The following DKK2 variants were observed in gnomAD, a reference collection of about 807,000 sequenced individuals.
DKK2 encodes dickkopf Wnt signaling pathway inhibitor 2.
Under a neutral mutation model 28.1 loss-of-function variants are expected in DKK2, and 11 were observed. The observed-to-expected ratio is 0.39, with a 90% CI of 0.25 to 0.65. DKK2 has a LOEUF of 0.65. DKK2 is among the 30% of genes least tolerant of loss of function. The pLI, the probability that DKK2 is intolerant of heterozygous loss-of-function variation, is 0.47. For synonymous variants in DKK2, 135 were observed against 126.5 expected (o/e 1.07, Z -0.45); for missense variants, 326 against 335.5 (o/e 0.97, Z 0.22).
intron 1 of DKK2, among the ~76,000 whole-genome samples, chr4:107,033,692 G>A (rs1003531486): frequency 2.0e-5 from 3 of 152,090 alleles, no homozygotes; most frequent in African/African-American, 7.2e-5. Flanking sequence ...GTGTCCTTGG[G>A]GGAACTACAC....
chr4:106,996,792 A>G (rs1723277978), intron 1 of DKK2, among the ~76,000 whole-genome samples: 1 of 152,186 alleles, frequency 6.6e-6, no homozygotes, highest in Non-Finnish European at 1.5e-5. Flanking sequence ...GCCTTTCTTG[A>G]TAGGCCAAGG....
In DKK2 at chr4:107,017,790, T is replaced by A. The variant is rs912531420; in HGVS notation, c.222+17580A>T. 5.9e-5 allele frequency among the ~76,000 whole-genome samples: 9 copies of A among 151,982 alleles called. 1 individual carries two copies. Among genetic ancestry groups the A allele is most frequent in the Admixed American group, 5.9e-4 (9 of 15,260 alleles). ...TGAAATCTCCTTTTACTTTTACAGT[T>A]GTTTTGTCAAATGCTATGAAAAGTT... is the stretch of plus-strand genomic sequence containing the variant. On this transcript the variant is annotated intron_variant, in intron 1 of 3. Coordinates refer to ENST00000285311, the MANE Select transcript of DKK2 (RefSeq NM_014421.3).
At chr4:107,025,336 T>C (rs184936347) in intron 1 of DKK2, among the ~76,000 whole-genome samples, 1 of 152,186 alleles carries the variant, frequency 6.6e-6, no homozygotes, top group Non-Finnish European at 1.5e-5. Flanking sequence ...ATTTAAAAAA[T>C]TTTTTTAAAG....
At chr4:106,948,354 C>T (rs1206632547) in intron 1 of DKK2, among the ~76,000 whole-genome samples, 2 of 152,134 alleles carry the variant, frequency 1.3e-5, no homozygotes, top group African/African-American at 4.8e-5. Context: ...ACCAATGTTT[C>T]TGATCCAGAG....
intron 1 of DKK2, among the ~76,000 whole-genome samples, chr4:106,957,055 AG>A (rs1167049536): frequency 6.6e-6 from 1 of 151,884 alleles, no homozygotes; most frequent in African/African-American, 2.4e-5. Flanking sequence ...CAAATTTACA[AG>A]AAAAAAACAA....
intron 1 of DKK2, among the ~76,000 whole-genome samples, chr4:107,034,108 C>T (rs1723921268): frequency 6.6e-6 from 1 of 152,128 alleles, no homozygotes; most frequent in Admixed American, 6.5e-5. Flanking sequence ...AAAATTGTCC[C>T]CGTGAGAGGG....
rs530037136 is a variant in DKK2, at chr4:107,002,470, T to C, written c.222+32900A>G. Among the ~76,000 whole-genome samples the C allele has an allele frequency of 6.6e-5, 10 of 152,320 alleles. No homozygotes were observed. The South Asian group carries it at 1.0e-3, about 16-fold the overall frequency. On this transcript the variant is annotated intron_variant, in intron 1 of 3. Transcript: ENST00000285311. ...TTTACAGTGTTTGTCATTTGGGTTC[T>C]TTTATTTAGCTTTTTTGTTTTCTTC... is the stretch of plus-strand genomic sequence containing the variant.
Position 106,987,875 on chromosome 4 carries a change from T to C in DKK2, c.222+47495A>G, listed in dbSNP as rs531332160. 8.8e-4 allele frequency among the ~76,000 whole-genome samples: 134 copies of C among 151,794 alleles called. 1 individual carries two copies. The highest frequency in any genetic ancestry group is 3.1e-3 in the African/African-American group (128 of 41,432). On this transcript the variant is annotated intron_variant, in intron 1 of 3. Transcript: ENST00000285311. ...ATGATGTTACTCTCTTCTTTTTTTT[T>C]TTTTTTTGAGATGGAGTCTCAATCT...
chr4:107,013,489 G>T (rs572284297), intron 1 of DKK2, among the ~76,000 whole-genome samples: 1 of 151,256 alleles, frequency 6.6e-6, no homozygotes, highest in East Asian at 1.9e-4. Flanking sequence ...GGATATACAC[G>T]TGTAAAAGAA....
In DKK2 at chr4:107,020,802, A is replaced by C. The variant is rs1034911466; in HGVS notation, c.222+14568T>G. 9.2e-5 allele frequency among the ~76,000 whole-genome samples: 14 copies of C among 152,132 alleles called. No individual in the cohort carries two copies. In the South Asian group the frequency reaches 2.9e-3, roughly 32 times the overall value. On this transcript the variant is annotated intron_variant, in intron 1 of 3. Transcript: ENST00000285311. ...GTGTCTCTGTGCGCACATTTTAACTAAGTTGCACATGAAGTAACATGTGCC... is the reference window on the plus strand; with the variant it reads ...GTGTCTCTGTGCGCACATTTTAACTCAGTTGCACATGAAGTAACATGTGCC...
In DKK2 at chr4:106,922,349, C is replaced by G. The variant is rs942862328; in HGVS notation, c.*1605G>C. 6.6e-6 allele frequency: 1 copy of G among 151,980 alleles called. No individual in the cohort carries two copies. The highest frequency in any genetic ancestry group is 1.9e-4 in the East Asian group (1 of 5,186). The allele number at this position is 151,980 out of a possible 1,614,324, so 9.4% of individuals were successfully genotyped here. On this transcript the variant is annotated 3_prime_UTR_variant, in exon 4 of 4. Coordinates refer to ENST00000285311, the MANE Select transcript of DKK2 (RefSeq NM_014421.3). ...GTTTAAAGTCACGACTATAAGATAA[C>G]CTTTTATTGTTTTGTGCTCCAGACA...
chr4:107,002,010 C>T (rs1041737927), intron 1 of DKK2, among the ~76,000 whole-genome samples: 2 of 152,204 alleles, frequency 1.3e-5, no homozygotes, highest in Admixed American at 6.5e-5. Flanking sequence ...ACAACAAATA[C>T]ATCCACCCAA....
chr4:106,924,804 T>G, intron 2 of DKK2, 104 bp from the exon 3 acceptor site: 4 of 1,122,162 alleles, frequency 3.6e-6, no homozygotes, highest in Non-Finnish European at 5.0e-6. Context: ...TATCTATCTG[T>G]GTATCTATCT....
At chr4:107,021,184 G>T (rs1485829065) in intron 1 of DKK2, among the ~76,000 whole-genome samples, 3 of 151,906 alleles carry the variant, frequency 2.0e-5, no homozygotes, top group African/African-American at 7.3e-5. Context: ...AACTTATTTG[G>T]AGAAACAATA....
chr4:106,961,111 A>G (rs1320344403), intron 1 of DKK2, among the ~76,000 whole-genome samples: 1 of 152,124 alleles, frequency 6.6e-6, no homozygotes, highest in Non-Finnish European at 1.5e-5. Context: ...TATTTGTTAG[A>G]AGTTTAATAT....
At chr4:106,935,228 C>A (rs1157509959) in intron 1 of DKK2, among the ~76,000 whole-genome samples, 6 of 152,164 alleles carry the variant, frequency 3.9e-5, no homozygotes, top group Non-Finnish European at 8.8e-5. Context: ...TAGGGAGTGC[C>A]AGACAGTGGG....
intron 1 of DKK2, among the ~76,000 whole-genome samples, chr4:106,931,951 T>G (rs1724510273): frequency 6.6e-6 from 1 of 152,202 alleles, no homozygotes; most frequent in Admixed American, 6.5e-5. Flanking sequence ...AAAGTTTTTG[T>G]ACCTTTGGCT....
chr4:107,013,909 G>T (rs949436306), intron 1 of DKK2, among the ~76,000 whole-genome samples: 1 of 151,248 alleles, frequency 6.6e-6, no homozygotes, highest in Non-Finnish European at 1.5e-5. Flanking sequence ...CAAAAGAAGA[G>T]ATATTATATG....
chr4:106,972,292 C>T (rs1034622962), intron 1 of DKK2, among the ~76,000 whole-genome samples: 1 of 151,820 alleles, frequency 6.6e-6, no homozygotes, highest in Non-Finnish European at 1.5e-5. Context: ...AATTACAAAG[C>T]AAGTATCTCG....
Sources: gnomAD v4.1 joint callset for allele counts (sites outside exome capture counted in the v4.1 genomes callset) on GRCh38, gnomAD v4.1.1 for gene constraint, MANE v1.5 for transcripts, NCBI Gene and HGNC (gene_info 2026-07-23, HGNC 2026-07-21) for gene names.